CNGB3: variants seen among roughly 807,000 people sequenced by gnomAD.
CNGB3 encodes cyclic nucleotide-gated channel beta-3.
CNGB3 carries 86 observed loss-of-function variants against 92.8 expected under a neutral mutation model. The ratio of observed to expected loss-of-function variants is 0.93; its 90% CI spans 0.78 to 1.11. The LOEUF (loss-of-function observed/expected upper bound fraction) is 1.11. CNGB3 is among the 50% of genes least tolerant of loss of function. The pLI is 0.00. For synonymous variants in CNGB3, 333 were observed against 332.7 expected, an observed-to-expected ratio of 1.00 and a Z score of -0.01; for missense variants, 1,026 against 956.8, an observed-to-expected ratio of 1.07 and a Z score of -0.95.
At chr8:86,694,310 C>A (rs35005154) in intron 3 of CNGB3, among the ~76,000 whole-genome samples, 28,603 of 146,234 alleles carry the variant, frequency 0.2, 3,151 homozygotes, top group South Asian at 0.28. Flanking sequence ...CGGGCTGAGG[C>A]GCCCCTCACC....
chr8:86,616,919 G>A (rs1411486375), intron 13 of CNGB3, among the ~76,000 whole-genome samples: 7 of 152,174 alleles, frequency 4.6e-5, no homozygotes, highest in Non-Finnish European at 1.5e-5. Flanking sequence ...TGAGATCAAA[G>A]TGTTTGTATT....
At chr8:86,579,010 C>A in intron 16 of CNGB3, 96 bp downstream of exon 16, 1 of 1,547,654 alleles carries the variant, frequency 6.5e-7, no homozygotes, top group South Asian at 1.1e-5. Context: ...TCACTGTGAT[C>A]AAGTTTATCA....
intron 3 of CNGB3, among the ~76,000 whole-genome samples, chr8:86,698,873 A>G (rs1384661083): frequency 2.6e-5 from 4 of 152,204 alleles, no homozygotes; most frequent in Non-Finnish European, 5.9e-5. Flanking sequence ...ACCATAGACC[A>G]AAGCAAGTTT....
intron 10 of CNGB3, among the ~76,000 whole-genome samples, chr8:86,637,472 A>AT (rs1431869064): frequency 6.7e-6 from 1 of 150,126 alleles, no homozygotes; most frequent in East Asian, 2.0e-4. Context: ...AAATTTTTGG[A>AT]TTTTTTTCTG....
At chr8:86,614,681 C>T (rs542398556) in intron 13 of CNGB3, among the ~76,000 whole-genome samples, 1 of 152,132 alleles carries the variant, frequency 6.6e-6, no homozygotes, top group Non-Finnish European at 1.5e-5. Flanking sequence ...AAACTGGACA[C>T]GGGTCAGACG....
intron 3 of CNGB3, among the ~76,000 whole-genome samples, chr8:86,708,544 CT>C (rs1320864336): frequency 1.4e-5 from 2 of 139,754 alleles, no homozygotes; most frequent in Non-Finnish European, 3.1e-5. Flanking sequence ...TACTTTCTTT[CT>C]TTTCTTTTCT....
At chr8:86,730,213 C>G (rs1488768502) in intron 2 of CNGB3, among the ~76,000 whole-genome samples, 1 of 152,182 alleles carries the variant, frequency 6.6e-6, no homozygotes, top group African/African-American at 2.4e-5. Flanking sequence ...GAAACATCTG[C>G]TTCTCTCTTC....
intron 2 of CNGB3, among the ~76,000 whole-genome samples, chr8:86,737,889 G>C (rs1483115992): frequency 6.6e-6 from 1 of 152,074 alleles, no homozygotes; most frequent in Non-Finnish European, 1.5e-5. Flanking sequence ...TCGACTGCAG[G>C]GATATTCCTT....
intron 3 of CNGB3, among the ~76,000 whole-genome samples, chr8:86,687,433 C>T (rs562299782): frequency 6.6e-6 from 1 of 151,980 alleles, no homozygotes; most frequent in African/African-American, 2.4e-5. Context: ...AAGCTAGACA[C>T]AAAAGGCCAT....
intron 5 of CNGB3, 33 bp downstream of exon 5, chr8:86,667,986 C>T (rs1823776603): frequency 1.2e-6 from 2 of 1,612,894 alleles, no homozygotes; most frequent in Non-Finnish European, 1.7e-6. Context: ...ATAGCCAGCC[C>T]TCCCACTATG....
At chr8:86,614,775 T>C (rs11779541) in intron 13 of CNGB3, among the ~76,000 whole-genome samples, 51,513 of 151,970 alleles carry the variant, frequency 0.34, 9,799 homozygotes, top group African/African-American at 0.51. Flanking sequence ...GGCATGAGGT[T>C]GCCAACCGGG....
At chr8:86,643,009 T>G (rs1419096582) in intron 10 of CNGB3, among the ~76,000 whole-genome samples, 2 of 151,414 alleles carry the variant, frequency 1.3e-5, no homozygotes, top group Non-Finnish European at 3.0e-5. Flanking sequence ...TTATTAAAAG[T>G]TACCTTACTG....
intron 6 of CNGB3, among the ~76,000 whole-genome samples, chr8:86,663,470 T>C (rs2131611881): frequency 6.6e-6 from 1 of 152,360 alleles, no homozygotes; most frequent in Non-Finnish European, 1.5e-5. Flanking sequence ...CTGGTTTCTA[T>C]TGTAGCTGTT....
intron 3 of CNGB3, among the ~76,000 whole-genome samples, chr8:86,712,114 A>G (rs1824761916): frequency 1.3e-5 from 2 of 152,042 alleles, no homozygotes; most frequent in African/African-American, 4.8e-5. Context: ...AATTTAATTA[A>G]ATCATTAACA....
chr8:86,725,084 A>G (rs1056075092), intron 3 of CNGB3, among the ~76,000 whole-genome samples: 1 of 152,202 alleles, frequency 6.6e-6, no homozygotes, highest in Non-Finnish European at 1.5e-5. Context: ...ATTAAAAAGA[A>G]TTTATCCCCC....
chr8:86,738,369 T>C (rs557571678), intron 2 of CNGB3, among the ~76,000 whole-genome samples: 39 of 152,132 alleles, frequency 2.6e-4, no homozygotes, highest in African/African-American at 7.7e-4. Context: ...TGAGCAAAGG[T>C]TGAGATCAAA....
At chr8:86,630,560 T>C (rs1822943531) in intron 11 of CNGB3, among the ~76,000 whole-genome samples, 1 of 152,122 alleles carries the variant, frequency 6.6e-6, no homozygotes, top group Non-Finnish European at 1.5e-5. Flanking sequence ...CAAAATAGAA[T>C]ATTGTAGTTA....
chr8:86,600,256 G>A (rs1226324888), intron 15 of CNGB3, among the ~76,000 whole-genome samples: 2 of 152,078 alleles, frequency 1.3e-5, no homozygotes, highest in East Asian at 3.9e-4. Flanking sequence ...CTCTTCCTGG[G>A]ACACAATTCA....
chr8:86,720,839 TACACACACACACACACACAC>T (rs4024071), intron 3 of CNGB3, among the ~76,000 whole-genome samples: 33 of 129,918 alleles, frequency 2.5e-4, no homozygotes, highest in African/African-American at 8.0e-4. Flanking sequence ...TATATATGTA[TACACACACACACACACACAC>T]ACACACACAC....
Sources: allele counts gnomAD v4.1 joint callset (sites outside exome capture counted in the v4.1 genomes callset), GRCh38; gene constraint gnomAD v4.1.1; transcripts MANE v1.5; gene names NCBI Gene and HGNC (gene_info 2026-07-23, HGNC 2026-07-21).